PXDC1: variants seen among roughly 807,000 people sequenced by gnomAD.
The protein encoded by PXDC1 is PX domain-containing protein 1.
PXDC1 carries 13 observed loss-of-function variants against 24.4 expected under a neutral mutation model. The observed-to-expected ratio is 0.53, with a 90% confidence interval of 0.35 to 0.85. The LOEUF is 0.85. PXDC1 is among the 40% of genes least tolerant of loss of function. PXDC1 has a pLI of 0.01. For missense variants in PXDC1, 344 were observed against 309.3 expected (o/e 1.11, Z -0.84); for synonymous variants, 162 against 124.9 (o/e 1.30, Z -1.98).
chr6:3,732,373 T>C (rs973927156), intron 3 of PXDC1, among the ~76,000 whole-genome samples: 2 of 152,232 alleles, frequency 1.3e-5, no homozygotes, highest in African/African-American at 4.8e-5. Flanking sequence ...GGGCTACCCC[T>C]ACATAGTGAA....
Position 3,751,296 on chromosome 6 carries a change from G to T in PXDC1, c.236C>A (p.Ala79Glu). 1.3e-6 allele frequency: 2 copies of T among 1,531,108 alleles called. No homozygotes were observed. Among genetic ancestry groups the T allele is most frequent in the Non-Finnish European group, 8.7e-7 (1 of 1,143,442 alleles). 94.8% of individuals were successfully genotyped at this position (1,531,108 alleles called of 1,614,324 possible). Residue 79 changes from alanine (A) to glutamate (E), a missense_variant, in exon 1 of 5, where the codon GCG (alanine) becomes GAG (glutamate). Physicochemically the swap from Ala to Glu is moderately radical, Grantham distance 107 (BLOSUM62 -1). Transcript: ENST00000380283. ...DAFPEDRSELAQGPLRQGLVA... is the reference protein window; with the variant it reads ...DAFPEDRSELEQGPLRQGLVA... Reference sequence around the variant, plus strand: ...CGCACCTTGCCGCAGCGGCCCCTGCGCCAGTTCGGACCGGTCCTCGGGAAA... The same window carrying T: ...CGCACCTTGCCGCAGCGGCCCCTGCTCCAGTTCGGACCGGTCCTCGGGAAA...
At chr6:3,738,971 T>C (rs1760394224) in intron 1 of PXDC1, 32 of 1,290,380 alleles carry the variant, frequency 2.5e-5, no homozygotes, top group Non-Finnish European at 3.2e-5. Context: ...CAAACGTGCC[T>C]GTGAGCGGTG....
rs1451182075 is a variant in PXDC1, at chr6:3,751,518, A to AT, written c.13_14insA (p.Val5AspfsTer3). 4 of 1,587,118 alleles carry AT rather than the reference A, an allele frequency of 2.5e-6. No individual in the cohort carries two copies. Among genetic ancestry groups the AT allele is most frequent in the Non-Finnish European group, 3.4e-6 (4 of 1,169,478 alleles). ...GTTCACGAGCGACGTGCCCTCAAAC[A>AT]CCGCCGAGGCCATGTCGCACGCATG... On this transcript the variant is annotated frameshift_variant, in exon 1 of 5. Transcript: ENST00000380283. LOFTEE classifies it high-confidence loss of function.
intron 3 of PXDC1, among the ~76,000 whole-genome samples, chr6:3,733,099 T>C (rs1489669770): frequency 6.6e-6 from 1 of 152,138 alleles, no homozygotes; most frequent in African/African-American, 2.4e-5. Context: ...ACCAAGAACT[T>C]GGGCTTGATG....
chr6:3,743,252 C>A (rs1389031056), intron 1 of PXDC1, among the ~76,000 whole-genome samples: 1 of 152,164 alleles, frequency 6.6e-6, no homozygotes, highest in Non-Finnish European at 1.5e-5. Flanking sequence ...CGTTAAAGAG[C>A]GTCCACTACC....
At chr6:3,732,677 T>G (rs1211341635) in intron 3 of PXDC1, among the ~76,000 whole-genome samples, 1 of 152,224 alleles carries the variant, frequency 6.6e-6, no homozygotes, top group Non-Finnish European at 1.5e-5. Context: ...GTCCTCACCG[T>G]GGCCCCAGGA....
Position 3,738,038 on chromosome 6 carries a change from G to A in PXDC1, c.348+19C>T, listed in dbSNP as rs563524036. On this transcript the variant is annotated intron_variant, in intron 2 of 4. Coordinates refer to ENST00000380283, the MANE Select transcript of PXDC1 (RefSeq NM_183373.4). ...CACCTCCCACCTCCCTGCCCAGCCC[G>A]GGGCCTGGCCACACTCACTTTACAG... 2.1e-5 allele frequency: 33 copies of A among 1,601,398 alleles called. No homozygotes were observed. The highest frequency in any genetic ancestry group is 3.3e-5 in the South Asian group (3 of 90,814).
At chr6:3,748,429 C>T (rs1760617502) in intron 1 of PXDC1, among the ~76,000 whole-genome samples, 2 of 152,048 alleles carry the variant, frequency 1.3e-5, no homozygotes, top group Non-Finnish European at 2.9e-5. Flanking sequence ...TCCGACCTCA[C>T]CCAAACAGAA....
At chr6:3,733,771 T>C (rs923455041) in intron 3 of PXDC1, among the ~76,000 whole-genome samples, 3 of 152,198 alleles carry the variant, frequency 2.0e-5, no homozygotes, top group Non-Finnish European at 2.9e-5. Context: ...GAACGTGTTC[T>C]GTGCTGAGCC....
At chr6:3,750,500 C>T (rs1760678881) in intron 1 of PXDC1, among the ~76,000 whole-genome samples, 1 of 152,168 alleles carries the variant, frequency 6.6e-6, no homozygotes, top group African/African-American at 2.4e-5. Flanking sequence ...TCCAGTCCCT[C>T]TCTCTTGCGT....
rs113404659 is a variant in PXDC1, at chr6:3,746,403, G to A, written c.256+4873C>T. ...AAGAGGAAGAGGAGGCCGCGTGAAG[G>A]TGGGTGGCCCCATGGGAGCCCTGGC... On this transcript the variant is annotated intron_variant, in intron 1 of 4. Transcript: ENST00000380283. 6.6e-3 allele frequency among the ~76,000 whole-genome samples: 998 copies of A among 152,334 alleles called. 9 individuals carry two copies. Among genetic ancestry groups the A allele is most frequent in the African/African-American group, 0.023 (947 of 41,576 alleles).
At position 3,723,548 on chromosome 6, in the gene PXDC1, G is replaced by C. The variant is rs1211588283; in HGVS notation, c.*71C>G. The C allele has an allele frequency of 5.9e-6, 7 of 1,188,910 alleles. No individual in the cohort carries two copies. The highest frequency in any genetic ancestry group is 8.7e-6 in the Non-Finnish European group (7 of 801,162). The allele number at this position is 1,188,910 out of a possible 1,614,324, so 73.6% of individuals were successfully genotyped here. ...AGCTGGGGCAGCAGCTGTGACCATG[G>C]GGGCCAGCACAGTGGACAGCATCAG... On this transcript the variant is annotated 3_prime_UTR_variant, in exon 5 of 5. Coordinates refer to ENST00000380283, the MANE Select transcript of PXDC1 (RefSeq NM_183373.4).
chr6:3,733,664 G>A (rs897748814), intron 3 of PXDC1, among the ~76,000 whole-genome samples: 3 of 152,134 alleles, frequency 2.0e-5, no homozygotes, highest in Admixed American at 1.3e-4. Flanking sequence ...ACCGCCTGCC[G>A]CCTCCTGCAG....
chr6:3,751,386 C>T lies in PXDC1; in HGVS notation c.146G>A (p.Ser49Asn). 6.4e-7 allele frequency: 1 copy of T among 1,567,906 alleles called. No individual in the cohort carries two copies. The highest frequency in any genetic ancestry group is 1.2e-5 in the South Asian group (1 of 85,470). The change falls in exon 1 of 5, where the codon AGC becomes AAC. Residue 49 changes from serine to asparagine, a missense_variant. Coordinates refer to ENST00000380283, the MANE Select transcript of PXDC1 (RefSeq NM_183373.4). ...CAGGCTGCGGTGCAGGTAGAGCACG[C>T]TGCGGTCCGACCACTCCGTGCGGAT... ...FEIRTEWSDR[S>N]VLYLHRSLAD...
intron 3 of PXDC1, among the ~76,000 whole-genome samples, chr6:3,733,389 T>C (rs1268759899): frequency 2.0e-5 from 3 of 152,194 alleles, no homozygotes; most frequent in African/African-American, 7.2e-5. Context: ...TTGTCAATAG[T>C]AATTTCATTA....
chr6:3,746,262 C>T (rs764878209), intron 1 of PXDC1, among the ~76,000 whole-genome samples: 7 of 152,126 alleles, frequency 4.6e-5, no homozygotes, highest in Non-Finnish European at 7.4e-5. Context: ...GCAAACCAAA[C>T]GCAGCTCAGT....
At chr6:3,726,506 G>A (rs1461953165) in intron 4 of PXDC1, among the ~76,000 whole-genome samples, 1 of 152,224 alleles carries the variant, frequency 6.6e-6, no homozygotes, top group Non-Finnish European at 1.5e-5. Flanking sequence ...TGGTAAAGAC[G>A]GGGTCTGTTA....
chr6:3,741,062 G>A (rs1371969006), intron 1 of PXDC1, among the ~76,000 whole-genome samples: 4 of 152,240 alleles, frequency 2.6e-5, no homozygotes, highest in Non-Finnish European at 2.9e-5. Flanking sequence ...TCTCCTGTGT[G>A]TGCACCAGCT....
intron 1 of PXDC1, among the ~76,000 whole-genome samples, chr6:3,750,685 G>A (rs1268711090): frequency 6.6e-6 from 1 of 152,312 alleles, no homozygotes; most frequent in East Asian, 1.9e-4. Flanking sequence ...CAGCCCTGGC[G>A]GGGGTGCGGG....
Sources: allele counts gnomAD v4.1 joint callset (sites outside exome capture counted in the v4.1 genomes callset), GRCh38; gene constraint gnomAD v4.1.1; transcripts MANE v1.5; gene names NCBI Gene and HGNC (gene_info 2026-07-23, HGNC 2026-07-21).